The following ZFHX4 variants were observed in gnomAD, a reference collection of about 807,000 sequenced individuals.
The protein encoded by ZFHX4 is zinc finger homeobox protein 4.
Under a neutral mutation model 267.6 loss-of-function variants are expected in ZFHX4, and 56 were observed. The observed-to-expected ratio is 0.21, with a 90% CI of 0.17 to 0.26. The LOEUF is 0.26. Ranked by LOEUF, ZFHX4 falls within the 10% of genes least tolerant of loss-of-function variation. ZFHX4 has a pLI of 1.00. For synonymous variants in ZFHX4, 1,778 were observed against 1,665.6 expected (o/e 1.07, Z -1.64); for missense variants, 4,332 against 4,420.0 (o/e 0.98, Z 0.56).
intron 1 of ZFHX4, among the ~76,000 whole-genome samples, chr8:76,703,186 G>T (rs538101043): frequency 2.1e-4 from 32 of 152,202 alleles, no homozygotes; most frequent in African/African-American, 7.5e-4. Flanking sequence ...TGTGTGATTT[G>T]TTAAGCCAGG....
At chr8:76,723,964 A>T (rs1756324033) in intron 3 of ZFHX4, among the ~76,000 whole-genome samples, 1 of 139,552 alleles carries the variant, frequency 7.2e-6, no homozygotes, top group African/African-American at 3.1e-5. Context: ...TATAGAAAAC[A>T]AAACAAAACA....
At chr8:76,839,542 G>A (rs1216972104) in intron 5 of ZFHX4, among the ~76,000 whole-genome samples, 8 of 151,978 alleles carry the variant, frequency 5.3e-5, no homozygotes. Flanking sequence ...ATTTCATGAG[G>A]CAAAAGAATA....
At chr8:76,816,200 G>A (rs952468255) in intron 4 of ZFHX4, among the ~76,000 whole-genome samples, 5 of 152,072 alleles carry the variant, frequency 3.3e-5, no homozygotes, top group Non-Finnish European at 7.4e-5. Flanking sequence ...TTATTTATTT[G>A]TATCATATTT....
At chr8:76,820,172 G>A (rs992707039) in intron 4 of ZFHX4, among the ~76,000 whole-genome samples, 1 of 152,088 alleles carries the variant, frequency 6.6e-6, no homozygotes, top group African/African-American at 2.4e-5. Context: ...TTTAATTCTA[G>A]TTTGTATATG....
At chr8:76,820,209 A>T (rs940229508) in intron 4 of ZFHX4, among the ~76,000 whole-genome samples, 1 of 152,230 alleles carries the variant, frequency 6.6e-6, no homozygotes, top group Non-Finnish European at 1.5e-5. Flanking sequence ...AAATGATTTT[A>T]AAAATTCAAT....
intron 4 of ZFHX4, among the ~76,000 whole-genome samples, chr8:76,822,029 G>A (rs1241290570): frequency 6.6e-6 from 1 of 151,616 alleles, no homozygotes; most frequent in South Asian, 2.1e-4. Flanking sequence ...ACACACACAT[G>A]CACACACCCC....
In ZFHX4 at chr8:76,851,476, C is replaced by T. The variant is rs767666885; in HGVS notation, c.4555C>T (p.Arg1519Trp). Residue 1519 changes from arginine (R) to tryptophan (W), a missense_variant, in exon 10 of 11, where the codon CGG becomes TGG. Arg to Trp is a moderately radical substitution (Grantham distance 101). This residue lies in a region of ZFHX4 where 1,371 missense variants were observed against 1,423.1 expected (regional missense o/e 0.96). Transcript: ENST00000651372. ...IPDDMGSEPK[R>W]TLPFRKGPNF... is the part of the protein sequence containing the mutation. ...AGATGACATGGGCTCTGAACCAAAG[C>T]GGACCTTACCTTTTAGAAAAGGGCC... 17 of 1,613,698 alleles carry T rather than the reference C, an allele frequency of 1.1e-5. No homozygotes were observed. The highest frequency in any genetic ancestry group is 6.7e-5 in the Admixed American group (4 of 59,998).
chr8:76,682,211 T>TC (rs1238925374), intron 1 of ZFHX4, among the ~76,000 whole-genome samples: 2 of 152,162 alleles, frequency 1.3e-5, no homozygotes, highest in Admixed American at 1.3e-4. Context: ...AGCCCCTCTC[T>TC]CCCTGCTCTT....
At chr8:76,830,989 G>A (rs1811919224) in intron 4 of ZFHX4, among the ~76,000 whole-genome samples, 1 of 151,958 alleles carries the variant, frequency 6.6e-6, no homozygotes, top group South Asian at 2.1e-4. Context: ...ACTTTTATAC[G>A]AGACAGACAA....
chr8:76,833,999 G>T, intron 5 of ZFHX4: 1 of 260,346 alleles, frequency 3.8e-6, no homozygotes, highest in Non-Finnish European at 7.7e-6. Context: ...GTTTTTTTTA[G>T]ATTGGTTTCA....
At chr8:76,859,406 A>G (rs962249492) in intron 10 of ZFHX4, among the ~76,000 whole-genome samples, 2 of 152,186 alleles carry the variant, frequency 1.3e-5, no homozygotes, top group Non-Finnish European at 2.9e-5. Flanking sequence ...CATACATAAA[A>G]AAGGGAAAAT....
At chr8:76,836,590 A>G (rs1812098720) in intron 5 of ZFHX4, among the ~76,000 whole-genome samples, 1 of 152,116 alleles carries the variant, frequency 6.6e-6, no homozygotes, top group Non-Finnish European at 1.5e-5. Flanking sequence ...GAAAGCTAAC[A>G]TGGAGAAAGA....
chr8:76,761,717 A>G (rs1809918371), intron 3 of ZFHX4, among the ~76,000 whole-genome samples: 1 of 152,134 alleles, frequency 6.6e-6, no homozygotes, highest in African/African-American at 2.4e-5. Context: ...AAATTATTTG[A>G]TTTTCTAATC....
intron 5 of ZFHX4, among the ~76,000 whole-genome samples, chr8:76,834,694 C>T (rs1812024826): frequency 1.3e-5 from 2 of 151,922 alleles, no homozygotes; most frequent in Admixed American, 6.6e-5. Flanking sequence ...CTGTCTGTGG[C>T]TTGTCTCATT....
intron 1 of ZFHX4, among the ~76,000 whole-genome samples, chr8:76,692,890 G>T (rs1281972608): frequency 1.3e-5 from 2 of 152,118 alleles, no homozygotes; most frequent in Non-Finnish European, 2.9e-5. Flanking sequence ...AAAAATAAAA[G>T]TGTGTGCATG....
chr8:76,829,917 C>A (rs1302958147), intron 4 of ZFHX4, among the ~76,000 whole-genome samples: 1 of 151,982 alleles, frequency 6.6e-6, no homozygotes, highest in Admixed American at 6.5e-5. Flanking sequence ...AGAATTCAGG[C>A]CTGAACGAGA....
At chr8:76,769,990 T>A (rs1475200446) in intron 3 of ZFHX4, among the ~76,000 whole-genome samples, 1 of 152,144 alleles carries the variant, frequency 6.6e-6, no homozygotes, top group African/African-American at 2.4e-5. Context: ...CTGTCTCAGC[T>A]CTGTGAGTTG....
At chr8:76,696,213 T>C (rs538360710) in intron 1 of ZFHX4, among the ~76,000 whole-genome samples, 1 of 152,282 alleles carries the variant, frequency 6.6e-6, no homozygotes, top group East Asian at 1.9e-4. Context: ...AAATTGCTTA[T>C]TTCATGCTGG....
chr8:76,730,906 G>T (rs909041005), intron 3 of ZFHX4, among the ~76,000 whole-genome samples: 2 of 152,044 alleles, frequency 1.3e-5, no homozygotes, highest in African/African-American at 4.8e-5. Flanking sequence ...TGTCTCATTC[G>T]ATCCTCACAA....
Sources: gnomAD v4.1 joint callset for allele counts (sites outside exome capture counted in the v4.1 genomes callset) on GRCh38, gnomAD v4.1.1 for gene constraint, gnomAD v4.1.1 regional missense constraint, MANE v1.5 for transcripts, NCBI Gene and HGNC (gene_info 2026-07-23, HGNC 2026-07-21) for gene names.